SLCO1B3: variants seen among roughly 807,000 people sequenced by gnomAD.
SLCO1B3 encodes the protein liver-specific organic anion transporter 2.
In SLCO1B3, 72 loss-of-function variants were observed where a neutral mutation model predicts 71.8. That is an observed-to-expected ratio of 1.00 (90% CI 0.83 to 1.22). The LOEUF is 1.22. SLCO1B3 is among the 50% of genes most tolerant of loss of function. SLCO1B3 has a pLI of 0.00. For synonymous variants in SLCO1B3, 298 were observed against 278.4 expected, an observed-to-expected ratio of 1.07 and a Z score of -0.70; for missense variants, 911 against 819.7, an observed-to-expected ratio of 1.11 and a Z score of -1.36.
chr12:20,864,757 T>C (rs1313765639), intron 8 of SLCO1B3, among the ~76,000 whole-genome samples: 1 of 152,196 alleles, frequency 6.6e-6, no homozygotes, highest in Non-Finnish European at 1.5e-5. Flanking sequence ...CCTTATCACA[T>C]CTTCTCTTAT....
chr12:20,878,525 G>A (rs1362393018), intron 10 of SLCO1B3, among the ~76,000 whole-genome samples: 1 of 152,056 alleles, frequency 6.6e-6, no homozygotes, highest in Non-Finnish European at 1.5e-5. Context: ...CTCCAGTATT[G>A]TAGAAACCTT....
At chr12:20,829,544 A>G (rs1392357454) in intron 3 of SLCO1B3, among the ~76,000 whole-genome samples, 2 of 152,240 alleles carry the variant, frequency 1.3e-5, no homozygotes, top group Non-Finnish European at 2.9e-5. Context: ...TTCTCTCTGC[A>G]GTGGGAGCCC....
intron 8 of SLCO1B3, among the ~76,000 whole-genome samples, chr12:20,870,835 G>A (rs964110113): frequency 1.3e-5 from 2 of 152,092 alleles, no homozygotes; most frequent in Non-Finnish European, 2.9e-5. Flanking sequence ...TTGAATCTGT[G>A]GATATATTTG....
At chr12:20,843,174 G>A (rs576145659) in intron 3 of SLCO1B3, among the ~76,000 whole-genome samples, 9 of 151,876 alleles carry the variant, frequency 5.9e-5, no homozygotes, top group South Asian at 4.2e-4. Context: ...ATACTATCTC[G>A]ATTTTCCATC....
chr12:20,861,746 GAA>G (rs4149161), intron 6 of SLCO1B3, among the ~76,000 whole-genome samples: 10 of 151,638 alleles, frequency 6.6e-5, no homozygotes, highest in Non-Finnish European at 1.3e-4. Flanking sequence ...TGAAGTGGAG[GAA>G]AAAAAATGAT....
chr12:20,904,755 CTTTTTTTTTTTTTTTTTTT>C (rs775996155), intron 15 of SLCO1B3, among the ~76,000 whole-genome samples: 2 of 56,074 alleles, frequency 3.6e-5, no homozygotes, highest in East Asian at 6.4e-4. Flanking sequence ...GACATCCAGG[CTTTTTTTTTTTTTTTTTTT>C]TTTTTTTTTT....
chr12:20,904,331 C>T (rs1328542559), intron 15 of SLCO1B3, among the ~76,000 whole-genome samples: 1 of 151,752 alleles, frequency 6.6e-6, no homozygotes, highest in African/African-American at 2.4e-5. Context: ...TTGGCCAAAA[C>T]AAAGGGGTTA....
intron 8 of SLCO1B3, among the ~76,000 whole-genome samples, chr12:20,871,787 C>T (rs931412598): frequency 3.3e-5 from 5 of 152,140 alleles, no homozygotes; most frequent in African/African-American, 1.2e-4. Flanking sequence ...AAGCAAGCAT[C>T]CTTGTGGCCC....
intron 3 of SLCO1B3, among the ~76,000 whole-genome samples, chr12:20,818,919 G>A (rs1015146184): frequency 6.6e-6 from 1 of 152,240 alleles, no homozygotes; most frequent in East Asian, 1.9e-4. Flanking sequence ...CAGGAACAAT[G>A]GTAATTGTGG....
intron 13 of SLCO1B3, among the ~76,000 whole-genome samples, chr12:20,897,045 C>T (rs745453653): frequency 5.3e-5 from 8 of 152,062 alleles, no homozygotes; most frequent in Admixed American, 1.3e-4. Context: ...TATCTCCCAC[C>T]GGATCCCTCC....
At chr12:20,897,317 T>G (rs186463516) in intron 13 of SLCO1B3, among the ~76,000 whole-genome samples, 10 of 152,354 alleles carry the variant, frequency 6.6e-5, no homozygotes, top group African/African-American at 2.4e-4. Context: ...TAAGCGCTAT[T>G]GAATTCTTTT....
chr12:20,851,064 C>T (rs957018954), intron 3 of SLCO1B3, among the ~76,000 whole-genome samples: 1 of 152,014 alleles, frequency 6.6e-6, no homozygotes, highest in Non-Finnish European at 1.5e-5. Context: ...TTTATCTATT[C>T]ATTTGTCAAT....
Position 20,845,333 on chromosome 12 carries a change from C to T in SLCO1B3, c.85-9695C>T, listed in dbSNP as rs1864895652. ...ACAATGAGTAGAAACATCATCAGTC[C>T]TTAATGTCTTGGGCGCCCCTTGGAA... On this transcript the variant is annotated intron_variant, in intron 3 of 15. Transcript: ENST00000381545. 5 of 82,568 alleles carry T rather than the reference C, an allele frequency of 6.1e-5. No homozygotes were observed. The South Asian group carries it at 1.7e-3, about 28-fold the overall frequency. The allele number at this position is 82,568 out of a possible 1,614,324, so 5.1% of individuals were successfully genotyped here.
intron 4 of SLCO1B3, among the ~76,000 whole-genome samples, chr12:20,857,238 ACT>A (rs1333942335): frequency 6.6e-6 from 1 of 151,890 alleles, no homozygotes; most frequent in Non-Finnish European, 1.5e-5. Context: ...TGTATCCGAG[ACT>A]CTATCTTTCT....
intron 3 of SLCO1B3, among the ~76,000 whole-genome samples, chr12:20,836,324 A>G (rs192716530): frequency 5.6e-4 from 85 of 152,306 alleles, no homozygotes; most frequent in Admixed American, 5.0e-3. Context: ...TGAACCAGCC[A>G]TGCATACCTG....
intron 3 of SLCO1B3, among the ~76,000 whole-genome samples, chr12:20,819,170 C>T (rs912316480): frequency 6.6e-6 from 1 of 152,098 alleles, no homozygotes; most frequent in Admixed American, 6.6e-5. Flanking sequence ...AGGGTGCGGT[C>T]CTGGCTCTTG....
chr12:20,827,478 G>A (rs1036297842), intron 3 of SLCO1B3, among the ~76,000 whole-genome samples: 4 of 152,004 alleles, frequency 2.6e-5, no homozygotes, highest in South Asian at 4.1e-4. Context: ...ACATAAATAC[G>A]TAGACTTATT....
intron 5 of SLCO1B3, among the ~76,000 whole-genome samples, chr12:20,859,854 A>T (rs1865218800): frequency 6.6e-6 from 1 of 151,882 alleles, no homozygotes; most frequent in Non-Finnish European, 1.5e-5. Flanking sequence ...TTTGTCTACC[A>T]ATTTGAATTC....
chr12:20,821,073 C>G (rs987151938), intron 3 of SLCO1B3, among the ~76,000 whole-genome samples: 1 of 151,844 alleles, frequency 6.6e-6, no homozygotes, highest in Admixed American at 6.6e-5. Context: ...TCAGATGGGT[C>G]TGTAGAAAAG....
Sources: allele counts gnomAD v4.1 joint callset (sites outside exome capture counted in the v4.1 genomes callset), GRCh38; gene constraint gnomAD v4.1.1; transcripts MANE v1.5; gene names NCBI Gene and HGNC (gene_info 2026-07-23, HGNC 2026-07-21).